Variants in TMEM132D observed in about 807,000 individuals in gnomAD.
The protein encoded by TMEM132D is transmembrane protein 132D.
Under a neutral mutation model 62.3 loss-of-function variants are expected in TMEM132D, and 21 were observed. The ratio of observed to expected loss-of-function variants is 0.34; its 90% CI spans 0.24 to 0.49. The LOEUF (loss-of-function observed/expected upper bound fraction) is 0.49. Ranked by LOEUF, TMEM132D falls within the 20% of genes least tolerant of loss-of-function variation. TMEM132D has a pLI of 0.99. For synonymous variants in TMEM132D, 621 were observed against 575.6 expected, an observed-to-expected ratio of 1.08 and a Z score of -1.13; for missense variants, 1,346 against 1,402.8, an observed-to-expected ratio of 0.96 and a Z score of 0.65.
intron 5 of TMEM132D, among the ~76,000 whole-genome samples, chr12:129,186,209 G>A (rs577674676): frequency 1.3e-4 from 20 of 152,296 alleles, no homozygotes; most frequent in African/African-American, 4.1e-4. Flanking sequence ...TAAAATTCAG[G>A]TGAGCAAAAG....
intron 3 of TMEM132D, among the ~76,000 whole-genome samples, chr12:129,487,196 A>G (rs1257842353): frequency 6.6e-6 from 1 of 152,078 alleles, no homozygotes; most frequent in Non-Finnish European, 1.5e-5. Flanking sequence ...CCCAGCGTGC[A>G]TGGGAGAGAC....
At chr12:129,403,955 G>A (rs1385417318) in intron 3 of TMEM132D, among the ~76,000 whole-genome samples, 2 of 151,956 alleles carry the variant, frequency 1.3e-5, no homozygotes, top group Non-Finnish European at 2.9e-5. Context: ...CGTGTTGGAG[G>A]GTCAGCAAGG....
intron 3 of TMEM132D, among the ~76,000 whole-genome samples, chr12:129,456,357 C>A (rs990648847): frequency 3.3e-5 from 5 of 152,140 alleles, no homozygotes; most frequent in African/African-American, 9.7e-5. Flanking sequence ...AATCCAGTGA[C>A]CATGGCTGAG....
intron 4 of TMEM132D, among the ~76,000 whole-genome samples, chr12:129,308,834 G>A (rs1881903711): frequency 6.6e-6 from 1 of 152,206 alleles, no homozygotes; most frequent in Non-Finnish European, 1.5e-5. Flanking sequence ...TCCTAGGTAA[G>A]ATGTCTTTAT....
intron 1 of TMEM132D, among the ~76,000 whole-genome samples, chr12:129,798,245 C>G (rs796641896): frequency 6.6e-6 from 1 of 152,072 alleles, no homozygotes; most frequent in Non-Finnish European, 1.5e-5. Context: ...CGTCTAGGTA[C>G]TTCTCTATAG....
chr12:129,842,103 T>A (rs1201520342), intron 1 of TMEM132D, among the ~76,000 whole-genome samples: 3 of 143,768 alleles, frequency 2.1e-5, no homozygotes, highest in Non-Finnish European at 3.0e-5. Context: ...GCTAATTTTT[T>A]TTTTTTTTTT....
chr12:129,160,773 A>G (rs1382859531), intron 5 of TMEM132D, among the ~76,000 whole-genome samples: 1 of 152,220 alleles, frequency 6.6e-6, no homozygotes, highest in Admixed American at 6.5e-5. Flanking sequence ...CTACAAAGAA[A>G]AAAGAAACAG....
chr12:129,197,897 G>A (rs1208735255), intron 5 of TMEM132D, among the ~76,000 whole-genome samples: 2 of 152,102 alleles, frequency 1.3e-5, no homozygotes, highest in East Asian at 1.9e-4. Flanking sequence ...ATCCAATAAG[G>A]GTTAACATCT....
At chr12:129,571,680 G>A (rs942546348) in intron 2 of TMEM132D, among the ~76,000 whole-genome samples, 5 of 152,018 alleles carry the variant, frequency 3.3e-5, no homozygotes, top group African/African-American at 4.8e-5. Flanking sequence ...GGCTCATTTC[G>A]AAAAAGGGGC....
At chr12:129,141,636 G>A (rs1016234373) in intron 5 of TMEM132D, among the ~76,000 whole-genome samples, 2 of 152,054 alleles carry the variant, frequency 1.3e-5, no homozygotes, top group African/African-American at 4.8e-5. Flanking sequence ...CAGAATAAGT[G>A]ATTAAAAAGT....
chr12:129,229,817 T>C (rs996307328), intron 4 of TMEM132D, among the ~76,000 whole-genome samples: 3 of 152,342 alleles, frequency 2.0e-5, no homozygotes, highest in Admixed American at 1.3e-4. Context: ...TCAGCAAGAC[T>C]TATTGGTGGG....
At chr12:129,125,237 G>T (rs1876178590) in intron 5 of TMEM132D, among the ~76,000 whole-genome samples, 1 of 152,162 alleles carries the variant, frequency 6.6e-6, no homozygotes, top group Admixed American at 6.5e-5. Flanking sequence ...ACACTTCTGA[G>T]ATGCTATCTC....
rs540875070 is a variant in TMEM132D at position 129,512,857 on chromosome 12, T to A, written c.1115+18202A>T. Among the ~76,000 whole-genome samples the A allele has an allele frequency of 4.6e-5, 7 of 152,312 alleles. No individual in the cohort carries two copies. The East Asian group carries it at 1.4e-3, about 29-fold the overall frequency. Reference sequence around the variant, plus strand: ...GCAGAAGTAGAAATGTAGTTTAGGATCCAGCTTCAGAAGTCACATGCCATC... The same window carrying A: ...GCAGAAGTAGAAATGTAGTTTAGGAACCAGCTTCAGAAGTCACATGCCATC... On this transcript the variant is annotated intron_variant, in intron 3 of 8. Transcript: ENST00000422113.
At chr12:129,540,688 T>C (rs1308912203) in intron 2 of TMEM132D, among the ~76,000 whole-genome samples, 1 of 152,180 alleles carries the variant, frequency 6.6e-6, no homozygotes, top group African/African-American at 2.4e-5. Flanking sequence ...GGTTTCACTA[T>C]GCTGGCCAGG....
At chr12:129,411,065 A>G (rs1871955193) in intron 3 of TMEM132D, among the ~76,000 whole-genome samples, 1 of 152,096 alleles carries the variant, frequency 6.6e-6, no homozygotes, top group Admixed American at 6.5e-5. Context: ...GAATGCTGAT[A>G]ATTTCATGCT....
At chr12:129,492,472 C>A (rs957874798) in intron 3 of TMEM132D, among the ~76,000 whole-genome samples, 1 of 152,186 alleles carries the variant, frequency 6.6e-6, no homozygotes, top group African/African-American at 2.4e-5. Flanking sequence ...ACACTAATAG[C>A]ATGACAATTG....
chr12:129,743,129 G>T (rs1869658937), intron 1 of TMEM132D, among the ~76,000 whole-genome samples: 1 of 152,192 alleles, frequency 6.6e-6, no homozygotes, highest in Non-Finnish European at 1.5e-5. Flanking sequence ...TCAGAAATCT[G>T]CTCTCTACAT....
intron 4 of TMEM132D, among the ~76,000 whole-genome samples, chr12:129,300,356 C>T (rs1190600989): frequency 1.3e-5 from 2 of 152,186 alleles, no homozygotes; most frequent in African/African-American, 4.8e-5. Context: ...GATAAAAAGA[C>T]ATTCGATGAC....
intron 5 of TMEM132D, among the ~76,000 whole-genome samples, chr12:129,149,879 C>T (rs944121554): frequency 1.3e-5 from 2 of 152,224 alleles, no homozygotes; most frequent in Non-Finnish European, 2.9e-5. Context: ...GAACACTCCT[C>T]CTGTAGCTAA....
Sources: gnomAD v4.1 joint callset for allele counts (sites outside exome capture counted in the v4.1 genomes callset) on GRCh38, gnomAD v4.1.1 for gene constraint, MANE v1.5 for transcripts, NCBI Gene and HGNC (gene_info 2026-07-23, HGNC 2026-07-21) for gene names.